EIF4EBP1: variants seen among roughly 807,000 people sequenced by gnomAD.
EIF4EBP1 encodes eukaryotic translation initiation factor 4E-binding protein 1.
In EIF4EBP1, 5 loss-of-function variants were observed where a neutral mutation model predicts 9.2. The ratio of observed to expected loss-of-function variants is 0.54; its 90% CI spans 0.28 to 1.14. EIF4EBP1 has a LOEUF of 1.14. Among genes scored for constraint, EIF4EBP1 ranks in the 50% most tolerant of loss-of-function variants. The pLI, the probability that EIF4EBP1 is intolerant of heterozygous loss-of-function variation, is 0.09. For missense variants in EIF4EBP1, 139 were observed against 169.6 expected (o/e 0.82, Z 1.00); for synonymous variants, 62 against 67.0 (o/e 0.93, Z 0.36).
At chr8:38,055,742 A>AGGC (rs1389512532) in intron 1 of EIF4EBP1, among the ~76,000 whole-genome samples, 1 of 152,160 alleles carries the variant, frequency 6.6e-6, no homozygotes, top group Non-Finnish European at 1.5e-5. Flanking sequence ...CACACCTGTA[A>AGGC]TCCCAGCACT....
intron 1 of EIF4EBP1, 46 bp from the exon 2 acceptor site, chr8:38,057,035 G>A (rs772446040): frequency 1.3e-6 from 2 of 1,590,932 alleles, no homozygotes; most frequent in Non-Finnish European, 1.7e-6. Context: ...AAACCGGCAG[G>A]CAAGAGGCTG....
At chr8:38,057,301 G>A in intron 2 of EIF4EBP1, 41 bp downstream of exon 2, 4 of 1,560,600 alleles carry the variant, frequency 2.6e-6, no homozygotes, top group Admixed American at 1.9e-5. Flanking sequence ...TTGGGAAAGG[G>A]AATGTATGAG....
chr8:38,042,955 C>T (rs1270890900), intron 1 of EIF4EBP1, among the ~76,000 whole-genome samples: 1 of 152,068 alleles, frequency 6.6e-6, no homozygotes, highest in Non-Finnish European at 1.5e-5. Flanking sequence ...ATCTCAGCTA[C>T]CAGGAGGAGG....
chr8:38,031,838 G>C (rs1322301662), intron 1 of EIF4EBP1, among the ~76,000 whole-genome samples: 1 of 152,216 alleles, frequency 6.6e-6, no homozygotes, highest in Non-Finnish European at 1.5e-5. Context: ...CCCAGAGCTT[G>C]AACACGTGTC....
At chr8:38,036,666 C>CTTTTTTTTTTT (rs140148175) in intron 1 of EIF4EBP1, among the ~76,000 whole-genome samples, 1 of 150,878 alleles carries the variant, frequency 6.6e-6, no homozygotes, top group African/African-American at 2.4e-5. Context: ...AATATTGTTT[C>CTTTTTTTTTTT]TTCTTTTTTT....
intron 1 of EIF4EBP1, among the ~76,000 whole-genome samples, chr8:38,038,444 G>A (rs1809332646): frequency 6.9e-6 from 1 of 145,434 alleles, no homozygotes; most frequent in African/African-American, 2.5e-5. Flanking sequence ...GGAGACAGAG[G>A]TTGCAGTGAG....
chr8:38,050,395 C>G (rs1353002028), intron 1 of EIF4EBP1, among the ~76,000 whole-genome samples: 1 of 152,146 alleles, frequency 6.6e-6, no homozygotes, highest in Non-Finnish European at 1.5e-5. Context: ...GTCAATCAAA[C>G]TGGAGTATAG....
chr8:38,053,838 A>G (rs1357718077), intron 1 of EIF4EBP1, among the ~76,000 whole-genome samples: 1 of 152,166 alleles, frequency 6.6e-6, no homozygotes, highest in East Asian at 1.9e-4. Context: ...TATATAAGAT[A>G]CCTAGAGTAG....
At chr8:38,032,038 T>C (rs1386278915) in intron 1 of EIF4EBP1, among the ~76,000 whole-genome samples, 1 of 152,272 alleles carries the variant, frequency 6.6e-6, no homozygotes, top group East Asian at 1.9e-4. Context: ...CCTTTGTCTC[T>C]GTCACAATGG....
Position 38,030,583 on chromosome 8 carries a change from G to A in EIF4EBP1, c.10G>A (p.Gly4Ser). 7 of 1,515,706 alleles carry A rather than the reference G, an allele frequency of 4.6e-6. No homozygotes were observed. Among genetic ancestry groups the A allele is most frequent in the Non-Finnish European group, 6.1e-6 (7 of 1,138,352 alleles). 93.9% of individuals were successfully genotyped at this position (1,515,706 alleles called of 1,614,324 possible). A position where few individuals can be genotyped will look rare whatever the true frequency, so the allele number is the denominator to read the frequency against. Residue 4 changes from glycine (G) to serine (S), a missense_variant, in exon 1 of 3, where the codon GGC becomes AGC. Coordinates refer to ENST00000338825, the MANE Select transcript of EIF4EBP1 (RefSeq NM_004095.4). MSG[G>S]SSCSQTPSRA... ...CAGCGCACAGGAGACCATGTCCGGG[G>A]GCAGCAGCTGCAGCCAGACCCCAAG...
At chr8:38,057,668 C>T (rs1809617209) in intron 2 of EIF4EBP1, among the ~76,000 whole-genome samples, 1 of 152,176 alleles carries the variant, frequency 6.6e-6, no homozygotes, top group African/African-American at 2.4e-5. Context: ...TGTACTTGTC[C>T]TTTGGGAAAT....
intron 1 of EIF4EBP1, among the ~76,000 whole-genome samples, chr8:38,042,740 G>A (rs1459662555): frequency 6.6e-6 from 1 of 152,102 alleles, no homozygotes. Context: ...GTTGCATTCC[G>A]AGGTACTGGG....
At chr8:38,041,941 A>G (rs117904082) in intron 1 of EIF4EBP1, among the ~76,000 whole-genome samples, 2,189 of 151,982 alleles carry the variant, frequency 0.014, 24 homozygotes, top group Non-Finnish European at 0.023. Context: ...ACGGTGAGCT[A>G]TGATCACGCC....
intron 1 of EIF4EBP1, among the ~76,000 whole-genome samples, chr8:38,052,887 T>C (rs931587555): frequency 2.0e-5 from 3 of 152,174 alleles, no homozygotes; most frequent in Non-Finnish European, 4.4e-5. Context: ...TGTTTACTCC[T>C]CACAGACCCC....
intron 1 of EIF4EBP1, among the ~76,000 whole-genome samples, chr8:38,053,003 T>C (rs1210154244): frequency 2.6e-5 from 4 of 152,174 alleles, no homozygotes; most frequent in Non-Finnish European, 5.9e-5. Flanking sequence ...TCTTTCACTT[T>C]TAAGTATAAT....
intron 1 of EIF4EBP1, among the ~76,000 whole-genome samples, chr8:38,053,150 T>C (rs1236919681): frequency 6.6e-6 from 1 of 152,032 alleles, no homozygotes; most frequent in East Asian, 1.9e-4. Context: ...CCCAAGTAGC[T>C]GGGATTACAG....
At chr8:38,059,869 TTGTTGACC>T (rs1809648254) in intron 2 of EIF4EBP1, 27 bp from the exon 3 acceptor site, 1 of 1,606,692 alleles carries the variant, frequency 6.2e-7, no homozygotes, top group East Asian at 2.2e-5. Flanking sequence ...CATTCACCCA[TTGTTGACC>T]TGGCCCTCTG....
chr8:38,047,225 A>G (rs1250019144), intron 1 of EIF4EBP1: 1 of 152,102 alleles, frequency 6.6e-6, no homozygotes, highest in Non-Finnish European at 1.5e-5. Context: ...TTCTCGACTA[A>G]ATTACATAAG....
At chr8:38,047,848 C>T (rs934797899) in intron 1 of EIF4EBP1, among the ~76,000 whole-genome samples, 4 of 152,078 alleles carry the variant, frequency 2.6e-5, no homozygotes, top group Admixed American at 1.3e-4. Context: ...CCTCTCCCCT[C>T]ATTGTCCCAA....
Sources: gnomAD v4.1 joint callset for allele counts (sites outside exome capture counted in the v4.1 genomes callset) on GRCh38, gnomAD v4.1.1 for gene constraint, MANE v1.5 for transcripts, NCBI Gene and HGNC (gene_info 2026-07-23, HGNC 2026-07-21) for gene names.